IQCM: variants seen among roughly 807,000 people sequenced by gnomAD.
IQCM encodes the protein IQ domain-containing protein M.
Under a neutral mutation model 57.6 loss-of-function variants are expected in IQCM, and 45 were observed. The observed-to-expected ratio is 0.78, with a 90% CI of 0.62 to 1.00. IQCM has a LOEUF of 1.00. IQCM is among the 50% of genes least tolerant of loss of function. The pLI, the probability that IQCM is intolerant of heterozygous loss-of-function variation, is 0.00. For missense variants in IQCM, 468 were observed against 511.6 expected (o/e 0.91, Z 0.82); for synonymous variants, 148 against 158.9 (o/e 0.93, Z 0.51).
chr4:149,430,226 T>C (rs548613011), intron 13 of IQCM, among the ~76,000 whole-genome samples: 1 of 152,026 alleles, frequency 6.6e-6, no homozygotes, highest in Admixed American at 6.6e-5. Context: ...TGTGACTCTC[T>C]TTAAGTAAGT....
intron 7 of IQCM, among the ~76,000 whole-genome samples, chr4:149,638,030 C>T (rs1270305579): frequency 1.3e-5 from 2 of 152,234 alleles, no homozygotes; most frequent in African/African-American, 4.8e-5. Flanking sequence ...AGTAAATATT[C>T]ACAACACATG....
rs541533214 is a variant in IQCM at position 149,572,911 on chromosome 4, C to T, written c.750-9021G>A. Among the ~76,000 whole-genome samples the T allele has an allele frequency of 7.2e-5, 11 of 152,022 alleles. 1 individual carries two copies. The South Asian group carries it at 2.3e-3, about 32-fold the overall frequency. On this transcript the variant is annotated intron_variant, in intron 9 of 13. Coordinates refer to ENST00000636793, the MANE Select transcript of IQCM (RefSeq NM_001363507.2). ...ACATTATTCTCAATTGCGTAATCTA[C>T]TTGGAAAACAGATTGACTTGGCAAT...
chr4:149,524,825 G>T lies in IQCM; in HGVS notation c.1228+23630C>A, dbSNP rs185497247. Among the ~76,000 whole-genome samples, 9 of 151,510 alleles carry T rather than the reference G, an allele frequency of 5.9e-5. No homozygotes were observed. In the East Asian group the frequency reaches 9.7e-4, roughly 16 times the overall value. ...GAAAAGAGACATAACCATCTGTAGA[G>T]AAAATATTAAAATAAATTATGAGAA... On this transcript the variant is annotated intron_variant, in intron 12 of 13. Transcript: ENST00000636793.
chr4:149,781,125 G>A (rs28709180), intron 2 of IQCM, among the ~76,000 whole-genome samples: 12,506 of 152,084 alleles, frequency 0.082, 1,360 homozygotes, highest in African/African-American at 0.24. Context: ...CCTATTTCAA[G>A]AAAAGAAGAA....
intron 2 of IQCM, among the ~76,000 whole-genome samples, chr4:149,800,920 A>G (rs1773545079): frequency 6.6e-6 from 1 of 151,926 alleles, no homozygotes; most frequent in Admixed American, 6.6e-5. Flanking sequence ...AAGCACTCAC[A>G]AATTCAATGC....
intron 7 of IQCM, among the ~76,000 whole-genome samples, chr4:149,671,283 G>C (rs1203814856): frequency 6.6e-6 from 1 of 152,130 alleles, no homozygotes; most frequent in East Asian, 1.9e-4. Context: ...GATGTTTATA[G>C]TATTCTCTGA....
intron 13 of IQCM, among the ~76,000 whole-genome samples, chr4:149,394,603 C>T (rs911022995): frequency 2.0e-5 from 3 of 151,840 alleles, no homozygotes; most frequent in African/African-American, 7.3e-5. Context: ...GTCTCGATTT[C>T]CCTGGGGGTG....
At chr4:149,555,469 G>A (rs1188310535) in intron 10 of IQCM, among the ~76,000 whole-genome samples, 1 of 152,178 alleles carries the variant, frequency 6.6e-6, no homozygotes, top group Non-Finnish European at 1.5e-5. Context: ...CTATTTGTGT[G>A]ATAGAGTAAC....
intron 13 of IQCM, among the ~76,000 whole-genome samples, chr4:149,391,615 A>G (rs1731862041): frequency 6.6e-6 from 1 of 151,946 alleles, no homozygotes; most frequent in Non-Finnish European, 1.5e-5. Flanking sequence ...TTTTAAATGT[A>G]GGCATCTGTG....
chr4:149,699,152 A>C (rs961528667), intron 5 of IQCM, among the ~76,000 whole-genome samples: 2 of 152,116 alleles, frequency 1.3e-5, no homozygotes, highest in African/African-American at 4.8e-5. Context: ...ACTTTTAGTA[A>C]TAGCACAACA....
intron 12 of IQCM, among the ~76,000 whole-genome samples, chr4:149,495,760 G>A (rs531042394): frequency 6.6e-6 from 1 of 152,024 alleles, no homozygotes; most frequent in Non-Finnish European, 1.5e-5. Flanking sequence ...GTAAGATAAA[G>A]GTAACTCAGT....
chr4:149,788,223 A>C (rs1279255766), intron 2 of IQCM, among the ~76,000 whole-genome samples: 3 of 152,194 alleles, frequency 2.0e-5, no homozygotes, highest in Non-Finnish European at 4.4e-5. Context: ...AATCCCAGCT[A>C]CTTGGAAGGC....
chr4:149,640,687 T>A (rs1213315512), intron 7 of IQCM, among the ~76,000 whole-genome samples: 7 of 152,226 alleles, frequency 4.6e-5, no homozygotes, highest in African/African-American at 1.7e-4. Flanking sequence ...AAAGAAGTTA[T>A]CCTTTTTATC....
intron 5 of IQCM, among the ~76,000 whole-genome samples, chr4:149,703,432 A>T (rs112759758): frequency 6.6e-6 from 1 of 151,940 alleles, no homozygotes; most frequent in South Asian, 2.1e-4. Flanking sequence ...TGGATAAAAA[A>T]TACACACAAA....
intron 7 of IQCM, among the ~76,000 whole-genome samples, chr4:149,660,974 A>G (rs1284035033): frequency 6.6e-6 from 1 of 152,094 alleles, no homozygotes; most frequent in African/African-American, 2.4e-5. Context: ...CTAAAACTTA[A>G]AGTATAATAA....
At chr4:149,389,128 G>A (rs1218245663) in intron 13 of IQCM, among the ~76,000 whole-genome samples, 1 of 151,600 alleles carries the variant, frequency 6.6e-6, no homozygotes, top group Non-Finnish European at 1.5e-5. Context: ...CACCCTTATG[G>A]TTATGCATAT....
chr4:149,399,459 A>G (rs2111122066), intron 13 of IQCM, among the ~76,000 whole-genome samples: 1 of 152,154 alleles, frequency 6.6e-6, no homozygotes, highest in African/African-American at 2.4e-5. Context: ...TGAAGAAAAG[A>G]TAAGAAACAA....
intron 12 of IQCM, among the ~76,000 whole-genome samples, chr4:149,531,196 T>A (rs550149345): frequency 6.6e-6 from 1 of 152,308 alleles, no homozygotes; most frequent in Non-Finnish European, 1.5e-5. Context: ...AACTATTTGA[T>A]TCATTCTCTT....
At position 149,773,682 on chromosome 4, in the gene IQCM, T is replaced by A. The variant is rs533843730; in HGVS notation, c.-48-30943A>T. On this transcript the variant is annotated intron_variant, in intron 2 of 13. Transcript: ENST00000636793. The stretch of plus-strand genomic sequence containing the variant: ...TCTTCTCAGCCACTTCACTGTTCAT[T>A]AGCACTCCCACTAGAGGTGGAGGGG... Among the ~76,000 whole-genome samples the A allele has an allele frequency of 2.0e-5, 3 of 152,332 alleles. No individual in the cohort carries two copies. The South Asian group carries it at 6.2e-4, about 32-fold the overall frequency.
Sources: gnomAD v4.1 joint callset for allele counts (sites outside exome capture counted in the v4.1 genomes callset) on GRCh38, gnomAD v4.1.1 for gene constraint, MANE v1.5 for transcripts, NCBI Gene and HGNC (gene_info 2026-07-23, HGNC 2026-07-21) for gene names.